ADAMTS6: variants seen among roughly 807,000 people sequenced by gnomAD.
The protein encoded by ADAMTS6 is A disintegrin and metalloproteinase with thrombospondin motifs 6.
In ADAMTS6, 23 loss-of-function variants were observed where a neutral mutation model predicts 144.3. That is an observed-to-expected ratio of 0.16 (90% CI 0.11 to 0.23). The LOEUF (loss-of-function observed/expected upper bound fraction) is 0.23. ADAMTS6 is among the 10% of genes least tolerant of loss of function. The pLI is 1.00. For missense variants in ADAMTS6, 999 were observed against 1,379.6 expected, an observed-to-expected ratio of 0.72 and a Z score of 4.37; for synonymous variants, 444 against 457.5, an observed-to-expected ratio of 0.97 and a Z score of 0.38.
chr5:65,247,413 C>G (rs1561325693), intron 14 of ADAMTS6, among the ~76,000 whole-genome samples: 2 of 152,158 alleles, frequency 1.3e-5, no homozygotes, highest in Admixed American at 1.3e-4. Context: ...CTTCTGCTTA[C>G]AAACTTTTTA....
chr5:65,203,993 A>G (rs953811591), intron 20 of ADAMTS6, among the ~76,000 whole-genome samples: 3 of 152,174 alleles, frequency 2.0e-5, no homozygotes, highest in African/African-American at 7.2e-5. Context: ...CGTGTTAGGG[A>G]AGAATATAAT....
At chr5:65,440,185 AAAGT>A (rs1325565802) in intron 7 of ADAMTS6, among the ~76,000 whole-genome samples, 7 of 152,370 alleles carry the variant, frequency 4.6e-5, no homozygotes, top group Admixed American at 4.6e-4. Flanking sequence ...ATTACTCTCA[AAAGT>A]AAGACAGAAA....
chr5:65,345,499 T>C (rs1748233413), intron 7 of ADAMTS6, among the ~76,000 whole-genome samples: 1 of 151,602 alleles, frequency 6.6e-6, no homozygotes, highest in South Asian at 2.1e-4. Flanking sequence ...GATTAGTGAA[T>C]CAAAAAAATT....
intron 20 of ADAMTS6, among the ~76,000 whole-genome samples, chr5:65,197,798 A>G (rs1755482631): frequency 6.6e-6 from 1 of 152,232 alleles, no homozygotes; most frequent in Admixed American, 6.5e-5. Context: ...TCAAATACAT[A>G]CATACACAGT....
intron 10 of ADAMTS6, among the ~76,000 whole-genome samples, chr5:65,298,182 G>A (rs544122643): frequency 6.6e-6 from 1 of 152,176 alleles, no homozygotes; most frequent in South Asian, 2.1e-4. Context: ...ACAAGATCTG[G>A]TAGAAGATCA....
chr5:65,426,631 A>G (rs753001650), intron 7 of ADAMTS6, among the ~76,000 whole-genome samples: 57 of 152,186 alleles, frequency 3.7e-4, no homozygotes, highest in Non-Finnish European at 7.2e-4. Context: ...TGGCAGATTA[A>G]TCACAGCTAA....
At chr5:65,439,179 G>GA (rs1757682560) in intron 7 of ADAMTS6, among the ~76,000 whole-genome samples, 3 of 149,990 alleles carry the variant, frequency 2.0e-5, no homozygotes, top group East Asian at 1.9e-4. Flanking sequence ...AAGAAAGAAA[G>GA]AAAAAAAAAG....
chr5:65,452,243 A>G, intron 5 of ADAMTS6, 27 bp from the exon 6 acceptor site: 1 of 1,593,366 alleles, frequency 6.3e-7, no homozygotes, highest in Non-Finnish European at 8.6e-7. Context: ...AAGAAAAGAC[A>G]CAAAGTCAGA....
At chr5:65,376,563 G>A (rs937208586) in intron 7 of ADAMTS6, among the ~76,000 whole-genome samples, 1 of 152,174 alleles carries the variant, frequency 6.6e-6, no homozygotes, top group Non-Finnish European at 1.5e-5. Flanking sequence ...CCGGCATGGT[G>A]GCTCATGCCT....
intron 7 of ADAMTS6, among the ~76,000 whole-genome samples, chr5:65,365,410 C>T (rs910222318): frequency 2.6e-5 from 4 of 152,042 alleles, no homozygotes; most frequent in African/African-American, 9.7e-5. Flanking sequence ...CTTTGGGAGG[C>T]CAAGGCAGGC....
intron 7 of ADAMTS6, among the ~76,000 whole-genome samples, chr5:65,369,224 T>C (rs1232333307): frequency 2.0e-5 from 3 of 152,172 alleles, no homozygotes; most frequent in East Asian, 3.9e-4. Context: ...AAGCAAACCC[T>C]AATAACAAAA....
chr5:65,469,292 T>C (rs1403497317), intron 3 of ADAMTS6, among the ~76,000 whole-genome samples: 1 of 152,180 alleles, frequency 6.6e-6, no homozygotes, highest in Non-Finnish European at 1.5e-5. Flanking sequence ...TTCTAAATTA[T>C]CTTCATATCT....
intron 7 of ADAMTS6, among the ~76,000 whole-genome samples, chr5:65,427,871 C>T (rs186370066): frequency 6.6e-6 from 1 of 150,556 alleles, no homozygotes; most frequent in East Asian, 2.0e-4. Context: ...TAAAGCCAAA[C>T]TTGTAGAAAA....
intron 24 of ADAMTS6, among the ~76,000 whole-genome samples, chr5:65,164,734 A>G: frequency 1.4e-5 from 2 of 143,986 alleles, no homozygotes; most frequent in Non-Finnish European, 3.1e-5. Context: ...CTGACCCCCG[A>G]GCAGCCTAAC....
chr5:65,419,070 C>T (rs1054042870), intron 7 of ADAMTS6, among the ~76,000 whole-genome samples: 2 of 152,070 alleles, frequency 1.3e-5, no homozygotes, highest in Non-Finnish European at 2.9e-5. Flanking sequence ...AGAAAACAAA[C>T]CTTTCTACCA....
chr5:65,200,044 C>A (rs1410452830), intron 20 of ADAMTS6, among the ~76,000 whole-genome samples: 2 of 152,032 alleles, frequency 1.3e-5, no homozygotes, highest in Non-Finnish European at 2.9e-5. Context: ...TATTAATTTT[C>A]TTCTAGAATG....
chr5:65,380,435 G>T (rs1370045730), intron 7 of ADAMTS6, among the ~76,000 whole-genome samples: 1 of 152,056 alleles, frequency 6.6e-6, no homozygotes, highest in Admixed American at 6.6e-5. Flanking sequence ...AATTAGCAGG[G>T]TGTGGTGGCG....
intron 7 of ADAMTS6, among the ~76,000 whole-genome samples, chr5:65,389,558 T>C (rs1046018145): frequency 8.6e-5 from 13 of 151,926 alleles, no homozygotes; most frequent in African/African-American, 3.1e-4. Flanking sequence ...GATATGAGAG[T>C]ATATTTTTTT....
At chr5:65,226,002 T>C in intron 16 of ADAMTS6, 84 bp downstream of exon 16, 1 of 1,376,630 alleles carries the variant, frequency 7.3e-7, no homozygotes, top group Admixed American at 2.5e-5. Flanking sequence ...TTTTAAAAAA[T>C]TAAACATAGT....
Sources: allele counts gnomAD v4.1 joint callset (sites outside exome capture counted in the v4.1 genomes callset), GRCh38; gene constraint gnomAD v4.1.1; transcripts MANE v1.5; gene names NCBI Gene and HGNC (gene_info 2026-07-23, HGNC 2026-07-21).